SLC8A1: variants seen among roughly 807,000 people sequenced by gnomAD.
The protein encoded by SLC8A1 is sodium/calcium exchanger 1.
A neutral mutation model predicts 68.3 loss-of-function variants in SLC8A1; 18 were observed. The ratio of observed to expected loss-of-function variants is 0.26; its 90% CI spans 0.18 to 0.39. SLC8A1 has a LOEUF of 0.39. SLC8A1 is among the 10% of genes least tolerant of loss of function. SLC8A1 has a pLI of 1.00. For missense variants in SLC8A1, 985 were observed against 1,156.7 expected, an observed-to-expected ratio of 0.85 and a Z score of 2.15; for synonymous variants, 475 against 415.5, an observed-to-expected ratio of 1.14 and a Z score of -1.74.
rs141369677 is a variant in SLC8A1 at position 40,259,302 on chromosome 2, G to C, written c.1809-81447C>G. ...TGGCTGCTGAAAGACCTAAACATTTGAGTCTTCACTGTTTTCAACAGCTCC... is the reference window on the plus strand; with the variant it reads ...TGGCTGCTGAAAGACCTAAACATTTCAGTCTTCACTGTTTTCAACAGCTCC... On this transcript the variant is annotated intron_variant, in intron 2 of 7. Coordinates refer to ENST00000406785, the Ensembl canonical transcript of SLC8A1. Among the ~76,000 whole-genome samples the C allele has an allele frequency of 7.2e-5, 11 of 152,248 alleles. No homozygotes were observed. In the East Asian group the frequency reaches 1.9e-3, roughly 27 times the overall value.
intron 2 of SLC8A1, among the ~76,000 whole-genome samples, chr2:40,405,905 CTGT>C (rs1690181182): frequency 6.6e-6 from 1 of 152,154 alleles, no homozygotes; most frequent in Non-Finnish European, 1.5e-5. Context: ...CATAAATTTG[CTGT>C]TTTGAAAATG....
At chr2:40,130,637 ATACTTGCCCTT>A (rs2039137002) in intron 7 of SLC8A1, among the ~76,000 whole-genome samples, 1 of 152,254 alleles carries the variant, frequency 6.6e-6, no homozygotes, top group Non-Finnish European at 1.5e-5. Context: ...AAAACAAAAT[ATACTTGCCCTT>A]TAGTAGCCTC....
At chr2:40,373,118 A>G (rs1678690414) in intron 2 of SLC8A1, among the ~76,000 whole-genome samples, 1 of 152,040 alleles carries the variant, frequency 6.6e-6, no homozygotes, top group African/African-American at 2.4e-5. Context: ...CATCAAAATT[A>G]GTATTTTTTG....
chr2:40,209,528 C>G (rs1462710575), intron 2 of SLC8A1, among the ~76,000 whole-genome samples: 2 of 151,950 alleles, frequency 1.3e-5, no homozygotes, highest in African/African-American at 4.8e-5. Context: ...GGATTTTGAG[C>G]AGAGAAGGGA....
chr2:40,494,632 T>G (rs1705552380), intron 1 of SLC8A1, among the ~76,000 whole-genome samples: 1 of 124,980 alleles, frequency 8.0e-6, no homozygotes, highest in Admixed American at 8.6e-5. Flanking sequence ...CCCTAGAACT[T>G]AAAGTATAAT....
At position 40,415,422 on chromosome 2, in the gene SLC8A1, T is replaced by C. The variant is rs78887579; in HGVS notation, c.1808+13051A>G. Among the ~76,000 whole-genome samples the C allele has an allele frequency of 5.3e-3, 760 of 143,122 alleles. 3 individuals are homozygous for C. The highest frequency in any genetic ancestry group is 7.7e-3 in the South Asian group (33 of 4,288). 93.9% of individuals were successfully genotyped at this position (143,122 alleles called of 152,430 possible). ...AAGAAAAATCAATTGTTCTAATCCATATGGAAAAAAAAAAAAAAGAAAACT... is the reference window on the plus strand; with the variant it reads ...AAGAAAAATCAATTGTTCTAATCCACATGGAAAAAAAAAAAAAAGAAAACT... On this transcript the variant is annotated intron_variant, in intron 2 of 7. Coordinates refer to ENST00000406785, the Ensembl canonical transcript of SLC8A1.
At chr2:40,293,984 G>C (rs1250028420) in intron 2 of SLC8A1, among the ~76,000 whole-genome samples, 1 of 152,008 alleles carries the variant, frequency 6.6e-6, no homozygotes, top group East Asian at 1.9e-4. Flanking sequence ...AGAAAGTGTT[G>C]GGATCAACAG....
chr2:40,469,597 T>C (rs1204032516), intron 1 of SLC8A1, among the ~76,000 whole-genome samples: 1 of 149,586 alleles, frequency 6.7e-6, no homozygotes, highest in Admixed American at 6.8e-5. Context: ...CTTTTTATTT[T>C]TATTTTTTTT....
At chr2:40,208,573 TTTGGTTACAA>T (rs1574074092) in intron 2 of SLC8A1, 1 of 152,132 alleles carries the variant, frequency 6.6e-6, no homozygotes, top group East Asian at 1.9e-4. Flanking sequence ...GTCCAGAGAT[TTTGGTTACAA>T]TACTTGGAGG....
chr2:40,380,183 C>T (rs958244453), intron 2 of SLC8A1, among the ~76,000 whole-genome samples: 10 of 152,150 alleles, frequency 6.6e-5, no homozygotes, highest in African/African-American at 2.4e-4. Flanking sequence ...TCCTTGTACT[C>T]ATTTTCCATA....
intron 2 of SLC8A1, among the ~76,000 whole-genome samples, chr2:40,354,467 G>C (rs1264499533): frequency 6.6e-6 from 1 of 152,124 alleles, no homozygotes; most frequent in Non-Finnish European, 1.5e-5. Context: ...GGACTAAATG[G>C]GGGTGGTTGT....
At chr2:40,337,256 T>A (rs1203225262) in intron 2 of SLC8A1, 2 of 303,208 alleles carry the variant, frequency 6.6e-6, no homozygotes, top group African/African-American at 4.3e-5. Context: ...TATTTATACA[T>A]CAAATGTAGT....
At chr2:40,145,030 A>G (rs902327151) in intron 6 of SLC8A1, among the ~76,000 whole-genome samples, 1 of 151,972 alleles carries the variant, frequency 6.6e-6, no homozygotes, top group African/African-American at 2.4e-5. Flanking sequence ...CATCCTTCCT[A>G]TCTGCTATTT....
intron 2 of SLC8A1, among the ~76,000 whole-genome samples, chr2:40,323,087 A>G (rs1438928785): frequency 6.6e-6 from 1 of 152,198 alleles, no homozygotes; most frequent in Non-Finnish European, 1.5e-5. Flanking sequence ...AGAAGGTAGG[A>G]GCATTTACAG....
At chr2:40,159,353 T>C (rs1003349032) in intron 6 of SLC8A1, among the ~76,000 whole-genome samples, 2 of 152,198 alleles carry the variant, frequency 1.3e-5, no homozygotes, top group African/African-American at 4.8e-5. Context: ...AACGAAGGAA[T>C]GATGGCCAGC....
At chr2:40,212,127 G>C (rs2056688293) in intron 2 of SLC8A1, among the ~76,000 whole-genome samples, 2 of 152,108 alleles carry the variant, frequency 1.3e-5, no homozygotes, top group South Asian at 4.2e-4. Flanking sequence ...AAGAGAGGAA[G>C]AGGAGGAAAA....
rs552071662 is a variant in SLC8A1, at chr2:40,459,776, ATGG to A, written c.-24-29475_-24-29473del. On this transcript the variant is annotated intron_variant, in intron 1 of 7. Transcript: ENST00000402441. ...ATGGGAATCATGCATGTGTAACTTA[ATGG>A]TGGTCCCAGTGCTGCTTTCTATGGG... Among the ~76,000 whole-genome samples the A allele has an allele frequency of 9.2e-5, 14 of 152,260 alleles. No individual in the cohort carries two copies. The South Asian group carries it at 2.9e-3, about 32-fold the overall frequency.
At chr2:40,165,908 C>T (rs916070587) in intron 4 of SLC8A1, among the ~76,000 whole-genome samples, 1 of 152,266 alleles carries the variant, frequency 6.6e-6, no homozygotes. Flanking sequence ...TACCCTTATC[C>T]TTTAGGCCCA....
chr2:40,395,870 G>T (rs1391398892), intron 2 of SLC8A1, among the ~76,000 whole-genome samples: 3 of 151,364 alleles, frequency 2.0e-5, no homozygotes, highest in East Asian at 3.9e-4. Context: ...CAGATGAGGA[G>T]AAAGTCCATT....
Sources: allele counts gnomAD v4.1 joint callset (sites outside exome capture counted in the v4.1 genomes callset), GRCh38; gene constraint gnomAD v4.1.1; transcripts MANE v1.5; gene names NCBI Gene and HGNC (gene_info 2026-07-23, HGNC 2026-07-21).